The following RBM28 variants were observed in gnomAD, a reference collection of about 807,000 sequenced individuals.
The protein encoded by RBM28 is RNA binding motif protein 28, also known as RNA-binding protein 28.
Under a neutral mutation model 98.3 loss-of-function variants are expected in RBM28, and 78 were observed. The ratio of observed to expected loss-of-function variants is 0.79; its 90% confidence interval spans 0.66 to 0.96. RBM28 has a LOEUF of 0.96. RBM28 is among the 40% of genes least tolerant of loss of function. The probability of loss-of-function intolerance (pLI) is 0.00; values close to 1 mark genes in which losing one functional copy is unlikely to be tolerated. For synonymous variants in RBM28, 306 were observed against 330.9 expected (o/e 0.92, Z 0.82); for missense variants, 838 against 913.0 (o/e 0.92, Z 1.06).
Position 128,303,774 on chromosome 7 carries a change from A to G in RBM28, c.*7023T>C, listed in dbSNP as rs1795811893. The G allele has an allele frequency of 6.6e-6, 1 of 152,250 alleles. No individual in the cohort carries two copies. Among genetic ancestry groups the G allele is most frequent in the Non-Finnish European group, 1.5e-5 (1 of 68,060 alleles). 9.4% of individuals were successfully genotyped at this position (152,250 alleles called of 1,614,324 possible). Reference sequence around the variant, plus strand: ...ACAGCTGTCACTTTAAGAAGCCATAAGAGAAAGGGCCAGGTCTCCATAGGT... The same window carrying G: ...ACAGCTGTCACTTTAAGAAGCCATAGGAGAAAGGGCCAGGTCTCCATAGGT... On this transcript the variant is annotated 3_prime_UTR_variant, in exon 19 of 19. Transcript: ENST00000223073.
At chr7:128,325,609 G>A (rs1403839661) in intron 11 of RBM28, among the ~76,000 whole-genome samples, 1 of 152,162 alleles carries the variant, frequency 6.6e-6, no homozygotes, top group African/African-American at 2.4e-5. Flanking sequence ...ATGAAGTAGA[G>A]ATCATAATTC....
rs1795774503 is a variant in RBM28 at position 128,300,945 on chromosome 7, T to A, written c.*9852A>T. ...GACACACTCTCCTTCTGCCTGCAGT[T>A]GTGAGGAAAGAAGGGGCACTGAGGA... On this transcript the variant is annotated 3_prime_UTR_variant, in exon 19 of 19. Coordinates refer to ENST00000223073, the MANE Select transcript of RBM28 (RefSeq NM_018077.3). The A allele has an allele frequency of 6.6e-6, 1 of 152,550 alleles. No individual in the cohort carries two copies. The highest frequency in any genetic ancestry group is 1.5e-5 in the Non-Finnish European group (1 of 68,276). 9.4% of individuals were successfully genotyped at this position (152,550 alleles called of 1,614,324 possible). A position where few individuals can be genotyped will look rare whatever the true frequency, so the allele number is the denominator to read the frequency against.
intron 16 of RBM28, 102 bp from the exon 17 acceptor site, chr7:128,315,122 G>T: frequency 6.6e-7 from 1 of 1,515,354 alleles, no homozygotes; most frequent in Non-Finnish European, 9.1e-7. Flanking sequence ...GAAAGAAGAG[G>T]AATTCTTCCC....
In RBM28 at chr7:128,306,346, TTTA is replaced by T. The variant is rs1216453817; in HGVS notation, c.*4448_*4450del. On this transcript the variant is annotated 3_prime_UTR_variant, in exon 19 of 19. Transcript: ENST00000223073. Reference sequence around the variant, plus strand: ...ACACTCAAGGCACTGTGAACAGCAGTTTATTATTATTTTTTCCTTCATGCTGTC... The same window carrying T: ...ACACTCAAGGCACTGTGAACAGCAGTTTATTATTTTTTCCTTCATGCTGTC... 3 of 152,272 alleles carry T rather than the reference TTTA, an allele frequency of 2.0e-5. No homozygotes were observed. The highest frequency in any genetic ancestry group is 4.1e-4 in the South Asian group (2 of 4,820). 9.4% of individuals were successfully genotyped at this position (152,272 alleles called of 1,614,324 possible). A position where few individuals can be genotyped will look rare whatever the true frequency, so the allele number is the denominator to read the frequency against.
chr7:128,315,167 T>C, intron 16 of RBM28, 147 bp from the exon 17 acceptor site: 1 of 1,212,788 alleles, frequency 8.2e-7, no homozygotes, highest in East Asian at 2.4e-5. Context: ...AGTGAATACA[T>C]GTAGATCACA....
At chr7:128,325,074 A>C (rs1796319162) in intron 11 of RBM28, among the ~76,000 whole-genome samples, 1 of 152,178 alleles carries the variant, frequency 6.6e-6, no homozygotes, top group Non-Finnish European at 1.5e-5. Flanking sequence ...AGAAACTAGA[A>C]ACTAAGCACC....
At chr7:128,338,429 C>T in intron 4 of RBM28, 87 bp from the exon 5 acceptor site, 2 of 1,099,130 alleles carry the variant, frequency 1.8e-6, no homozygotes, top group Non-Finnish European at 2.8e-6. Flanking sequence ...TTCAGGCCCA[C>T]AAGATGGCCC....
chr7:128,299,260 G>C lies in RBM28; in HGVS notation c.*11537C>G, dbSNP rs1210729206. On this transcript the variant is annotated 3_prime_UTR_variant, in exon 19 of 19. Coordinates refer to ENST00000223073, the MANE Select transcript of RBM28 (RefSeq NM_018077.3). ...AAGGCAAGGCAAGGCAGGGAAGCAG[G>C]CTTAGGATTGGCTAATCTGTATAAC... is the stretch of plus-strand genomic sequence containing the variant. 1 of 152,230 alleles carries C rather than the reference G, an allele frequency of 6.6e-6. No individual in the cohort carries two copies. Among genetic ancestry groups the C allele is most frequent in the Non-Finnish European group, 1.5e-5 (1 of 68,088 alleles). 9.4% of individuals were successfully genotyped at this position (152,230 alleles called of 1,614,324 possible). A position where few individuals can be genotyped will look rare whatever the true frequency, so the allele number is the denominator to read the frequency against.
At position 128,318,806 on chromosome 7, in the gene RBM28, G is replaced by A. The variant is rs76637797; in HGVS notation, c.1564-700C>T. On this transcript the variant is annotated intron_variant, in intron 14 of 18. Transcript: ENST00000223073. ...TTTAAGCGTGTAACAAGTTGCTGCC[G>A]AGGATGGAGTACTGTCCACAGATCT... Among the ~76,000 whole-genome samples the A allele has an allele frequency of 6.8e-3, 1,038 of 152,272 alleles. 8 individuals are homozygous for A. Among genetic ancestry groups the A allele is most frequent in the African/African-American group, 0.024 (983 of 41,542 alleles).
intron 18 of RBM28, chr7:128,312,963 G>C: frequency 1.7e-6 from 1 of 587,136 alleles, no homozygotes; most frequent in Non-Finnish European, 3.0e-6. Context: ...AAAACAAGGA[G>C]ACTGCTGAAA....
chr7:128,315,819 T>C (rs1192127704), intron 16 of RBM28, among the ~76,000 whole-genome samples: 2 of 152,230 alleles, frequency 1.3e-5, no homozygotes, highest in East Asian at 3.8e-4. Flanking sequence ...TTGTTGCCAG[T>C]AGACCTGTCT....
At chr7:128,318,470 G>C (rs1020414272) in intron 14 of RBM28, among the ~76,000 whole-genome samples, 2 of 130,446 alleles carry the variant, frequency 1.5e-5, no homozygotes, top group Admixed American at 8.5e-5. Context: ...GTGAGACCCT[G>C]TCTCAAAAAA....
Position 128,335,539 on chromosome 7 carries a change from A to G in RBM28, c.946+4T>C. The G allele has an allele frequency of 1.9e-6, 3 of 1,614,206 alleles. No individual in the cohort carries two copies. Among genetic ancestry groups the G allele is most frequent in the Non-Finnish European group, 1.7e-6 (2 of 1,180,026 alleles). On this transcript the variant is annotated splice_donor_region_variant and intron_variant, in intron 8 of 18. Transcript: ENST00000223073. The stretch of plus-strand genomic sequence containing the variant: ...TAAAGACATTTATGAAAATCCAAAC[A>G]AACCTTTATCCTCTTGCTCCTCAGT...
In RBM28 at chr7:128,306,712, G is replaced by A. The variant is rs1376107112; in HGVS notation, c.*4085C>T. On this transcript the variant is annotated 3_prime_UTR_variant, in exon 19 of 19. Coordinates refer to ENST00000223073, the MANE Select transcript of RBM28 (RefSeq NM_018077.3). ...TATCAAGATGCTCCATTTAGGGGTG[G>A]TCCAAAAGGTCTTTCAGTAACTCAG... is the stretch of plus-strand genomic sequence containing the variant. The A allele has an allele frequency of 6.6e-6, 1 of 152,218 alleles. No homozygotes were observed. The highest frequency in any genetic ancestry group is 1.5e-5 in the Non-Finnish European group (1 of 68,088). 9.4% of individuals were successfully genotyped at this position (152,218 alleles called of 1,614,324 possible). A position where few individuals can be genotyped will look rare whatever the true frequency, so the allele number is the denominator to read the frequency against.
chr7:128,343,600 A>G (rs1796775694), intron 1 of RBM28, 76 bp downstream of exon 1: 2 of 1,062,048 alleles, frequency 1.9e-6, no homozygotes, highest in East Asian at 5.2e-5. Flanking sequence ...AAAGAATGAT[A>G]CGGCTCCCTG....
intron 1 of RBM28, among the ~76,000 whole-genome samples, 189 bp downstream of exon 1, chr7:128,343,487 G>A (rs540103192): frequency 1.3e-5 from 2 of 152,202 alleles, no homozygotes; most frequent in Non-Finnish European, 2.9e-5. Flanking sequence ...AGAAACGTAA[G>A]GGAATGCTTT....
rs1796147610 is a variant in RBM28, at chr7:128,318,234, T to C, written c.1564-128A>G. Reference sequence around the variant, plus strand: ...GCATGGTGGTTCATGCCTGTAATCCTAGCACCTTGGGAGGCCGAGACAGGA... The same window carrying C: ...GCATGGTGGTTCATGCCTGTAATCCCAGCACCTTGGGAGGCCGAGACAGGA... On this transcript the variant is annotated intron_variant, in intron 14 of 18. Coordinates refer to ENST00000223073, the MANE Select transcript of RBM28 (RefSeq NM_018077.3). The C allele has an allele frequency of 3.0e-6, 3 of 1,000,818 alleles. No homozygotes were observed. In the East Asian group the frequency reaches 7.8e-5, roughly 26 times the overall value. The allele number at this position is 1,000,818 out of a possible 1,614,324, so 62.0% of individuals were successfully genotyped here. A position where few individuals can be genotyped will look rare whatever the true frequency, so the allele number is the denominator to read the frequency against.
At position 128,333,304 on chromosome 7, in the gene RBM28, T is replaced by C; in HGVS notation, c.1005A>G (p.Lys335=). The C allele has an allele frequency of 1.9e-6, 3 of 1,600,382 alleles. No homozygotes were observed. The highest frequency in any genetic ancestry group is 2.2e-5 in the East Asian group (1 of 44,802). The part of the protein sequence containing the change: ...RKLPSDVNEG[K]TVFIRNLSFD... ...GAAAGACATACCTGATAAAAACAGT[T>C]TTCCCTTCATTCACATCAGAGGGTA... The change falls in exon 9 of 19, where the codon AAA becomes AAG. Residue 335 remains lysine (K), a synonymous_variant. Coordinates refer to ENST00000223073, the MANE Select transcript of RBM28 (RefSeq NM_018077.3).
chr7:128,311,416 G>C (rs931979035), intron 18 of RBM28, among the ~76,000 whole-genome samples: 1 of 152,170 alleles, frequency 6.6e-6, no homozygotes, highest in Non-Finnish European at 1.5e-5. Flanking sequence ...TAGGGAAGGG[G>C]AGAAGCAAGC....
Sources: allele counts gnomAD v4.1 joint callset (sites outside exome capture counted in the v4.1 genomes callset), GRCh38; gene constraint gnomAD v4.1.1; transcripts MANE v1.5; gene names NCBI Gene and HGNC (gene_info 2026-07-23, HGNC 2026-07-21).